NCAM2: variants seen among roughly 807,000 people sequenced by gnomAD.
NCAM2 encodes the protein N-CAM-2.
NCAM2 carries 30 observed loss-of-function variants against 98.1 expected under a neutral mutation model. The observed-to-expected ratio is 0.31, with a 90% CI of 0.23 to 0.41. The LOEUF (loss-of-function observed/expected upper bound fraction) is 0.41. NCAM2 is among the 10% of genes least tolerant of loss of function. The pLI is 1.00. For missense variants in NCAM2, 867 were observed against 1,005.8 expected, an observed-to-expected ratio of 0.86 and a Z score of 1.87; for synonymous variants, 368 against 342.4, an observed-to-expected ratio of 1.07 and a Z score of -0.83.
chr21:21,054,058 A>G lies in NCAM2; in HGVS notation c.55+55440A>G, dbSNP rs115966642. On this transcript the variant is annotated intron_variant, in intron 1 of 17. Coordinates refer to ENST00000400546, the MANE Select transcript of NCAM2 (RefSeq NM_004540.5). Reference sequence around the variant, plus strand: ...ATTATTTACTCCATACCAACATCCAAAAGATCACTTGACATTTTCATTGGT... The same window carrying G: ...ATTATTTACTCCATACCAACATCCAGAAGATCACTTGACATTTTCATTGGT... 4.9e-3 allele frequency among the ~76,000 whole-genome samples: 740 copies of G among 152,014 alleles called. 10 individuals are homozygous for G. The highest frequency in any genetic ancestry group is 0.018 in the African/African-American group (730 of 41,530).
At chr21:21,400,787 A>C (rs764024865) in intron 9 of NCAM2, among the ~76,000 whole-genome samples, 1 of 152,142 alleles carries the variant, frequency 6.6e-6, no homozygotes. Context: ...AGTAAACTAC[A>C]CCAGAGGCTT....
intron 9 of NCAM2, among the ~76,000 whole-genome samples, chr21:21,376,923 C>T (rs1411753726): frequency 1.3e-5 from 2 of 151,460 alleles, no homozygotes; most frequent in East Asian, 1.9e-4. Context: ...TTATTATTGC[C>T]GCCATCTTGA....
chr21:21,011,372 T>C (rs1387724807), intron 1 of NCAM2, among the ~76,000 whole-genome samples: 1 of 152,014 alleles, frequency 6.6e-6, no homozygotes, highest in Non-Finnish European at 1.5e-5. Context: ...AACGAGGAGT[T>C]GCAGAAGGAA....
rs550918445 is a variant in NCAM2 at position 21,478,294 on chromosome 21, A to G, written c.2077+823A>G. Reference sequence around the variant, plus strand: ...TGCAGACATGTACAGATATTTATGTATATATGGTATATTCTTTATAGGTAC... The same window carrying G: ...TGCAGACATGTACAGATATTTATGTGTATATGGTATATTCTTTATAGGTAC... On this transcript the variant is annotated intron_variant, in intron 15 of 17. Transcript: ENST00000400546. 1.9e-4 allele frequency among the ~76,000 whole-genome samples: 29 copies of G among 152,180 alleles called. No homozygotes were observed. The South Asian group carries it at 5.6e-3, about 29-fold the overall frequency.
intron 1 of NCAM2, among the ~76,000 whole-genome samples, chr21:21,104,071 T>C (rs1218495491): frequency 6.6e-6 from 1 of 152,144 alleles, no homozygotes; most frequent in Admixed American, 6.6e-5. Flanking sequence ...TTCAGTATTA[T>C]TTCTTTGCCT....
intron 1 of NCAM2, among the ~76,000 whole-genome samples, chr21:21,169,841 C>A (rs963001760): frequency 6.6e-6 from 1 of 151,888 alleles, no homozygotes; most frequent in African/African-American, 2.4e-5. Context: ...ACCTTTAGTC[C>A]CAGCTACTCA....
chr21:21,020,322 C>G (rs1462511701), intron 1 of NCAM2, among the ~76,000 whole-genome samples: 1 of 152,212 alleles, frequency 6.6e-6, no homozygotes, highest in African/African-American at 2.4e-5. Flanking sequence ...AGGCGTGAGC[C>G]ACTGCACCCG....
At chr21:21,398,768 A>T (rs528432657) in intron 9 of NCAM2, among the ~76,000 whole-genome samples, 1 of 152,212 alleles carries the variant, frequency 6.6e-6, no homozygotes, top group African/African-American at 2.4e-5. Context: ...ATTGAGAGAC[A>T]TGAATGATAT....
intron 1 of NCAM2, among the ~76,000 whole-genome samples, chr21:21,050,136 C>CAAA (rs11412654): frequency 7.2e-6 from 1 of 138,026 alleles, no homozygotes; most frequent in African/African-American, 2.6e-5. Context: ...CTGTAAAGTG[C>CAAA]AAAAAAAAAA....
At chr21:21,175,360 C>G (rs992311806) in intron 1 of NCAM2, among the ~76,000 whole-genome samples, 3 of 152,106 alleles carry the variant, frequency 2.0e-5, no homozygotes, top group African/African-American at 7.2e-5. Flanking sequence ...TGGTGAAACC[C>G]TGTCTCTACT....
At chr21:21,300,986 T>G (rs1453726471) in intron 5 of NCAM2, among the ~76,000 whole-genome samples, 5 of 152,018 alleles carry the variant, frequency 3.3e-5, no homozygotes, top group African/African-American at 1.2e-4. Flanking sequence ...TAGATATGCG[T>G]TTGTGTGTCG....
At chr21:21,259,667 A>C (rs1315088284) in intron 1 of NCAM2, among the ~76,000 whole-genome samples, 1 of 152,122 alleles carries the variant, frequency 6.6e-6, no homozygotes, top group Non-Finnish European at 1.5e-5. Context: ...AGGATTACTG[A>C]GACCTCTGCA....
intron 1 of NCAM2, among the ~76,000 whole-genome samples, chr21:21,179,749 A>G (rs1248588823): frequency 6.6e-6 from 1 of 152,216 alleles, no homozygotes; most frequent in East Asian, 1.9e-4. Flanking sequence ...TTGCAAGTGC[A>G]GATGTAGGAC....
At chr21:21,350,510 C>CA (rs1422047875) in intron 8 of NCAM2, among the ~76,000 whole-genome samples, 1 of 152,070 alleles carries the variant, frequency 6.6e-6, no homozygotes, top group East Asian at 1.9e-4. Flanking sequence ...TTCTCATATT[C>CA]TACTGGTTTC....
intron 10 of NCAM2, among the ~76,000 whole-genome samples, chr21:21,415,496 C>T (rs1405467732): frequency 3.3e-5 from 5 of 151,818 alleles, no homozygotes; most frequent in Non-Finnish European, 5.9e-5. Context: ...CCACCACGCC[C>T]GGCTAATTTT....
chr21:21,172,731 A>G (rs1251884221), intron 1 of NCAM2, among the ~76,000 whole-genome samples: 7 of 152,154 alleles, frequency 4.6e-5, no homozygotes, highest in African/African-American at 1.7e-4. Context: ...CATTGAATAT[A>G]TGACATTTAA....
At chr21:21,495,191 C>T (rs753349246) in intron 15 of NCAM2, among the ~76,000 whole-genome samples, 16 of 151,882 alleles carry the variant, frequency 1.1e-4, no homozygotes, top group Non-Finnish European at 1.6e-4. Context: ...TAAATATAAA[C>T]GTATATATTA....
intron 1 of NCAM2, among the ~76,000 whole-genome samples, chr21:21,264,693 A>G (rs1035261600): frequency 6.7e-5 from 10 of 149,658 alleles, no homozygotes; most frequent in African/African-American, 2.2e-4. Flanking sequence ...ATACACACAC[A>G]TACATACACA....
chr21:21,427,653 G>T (rs1014363443), intron 11 of NCAM2, among the ~76,000 whole-genome samples: 1 of 152,104 alleles, frequency 6.6e-6, no homozygotes, highest in Admixed American at 6.6e-5. Context: ...AATAGCTTCT[G>T]GGAGTTTAAT....
Sources: gnomAD v4.1 joint callset for allele counts (sites outside exome capture counted in the v4.1 genomes callset) on GRCh38, gnomAD v4.1.1 for gene constraint, MANE v1.5 for transcripts, NCBI Gene and HGNC (gene_info 2026-07-23, HGNC 2026-07-21) for gene names.